The following CACNA2D3 variants were observed in gnomAD, a reference collection of about 807,000 sequenced individuals.
The protein encoded by CACNA2D3 is voltage-dependent calcium channel subunit alpha-2/delta-3.
A neutral mutation model predicts 160.6 loss-of-function variants in CACNA2D3; 60 were observed. The observed-to-expected ratio is 0.37, with a 90% confidence interval of 0.30 to 0.46. The LOEUF (loss-of-function observed/expected upper bound fraction) is 0.46. Among genes scored for constraint, CACNA2D3 ranks in the 20% least tolerant of loss-of-function variants. The probability of loss-of-function intolerance (pLI) is 1.00; values close to 1 mark genes in which losing one functional copy is unlikely to be tolerated. For synonymous variants in CACNA2D3, 558 were observed against 492.9 expected (o/e 1.13, Z -1.75); for missense variants, 1,205 against 1,365.0 (o/e 0.88, Z 1.85).
chr3:54,997,575 A>C (rs1281864208), intron 31 of CACNA2D3, among the ~76,000 whole-genome samples: 11 of 151,822 alleles, frequency 7.2e-5, no homozygotes, highest in East Asian at 1.9e-4. Context: ...AAAAGAAAAA[A>C]ATTAACTAGA....
intron 29 of CACNA2D3, among the ~76,000 whole-genome samples, chr3:54,972,113 C>T: frequency 6.6e-6 from 1 of 152,184 alleles, no homozygotes. Flanking sequence ...GTGACAGTTT[C>T]CCCTGGGCAT....
intron 13 of CACNA2D3, among the ~76,000 whole-genome samples, chr3:54,765,686 G>C (rs561105384): frequency 1.2e-4 from 18 of 152,202 alleles, no homozygotes; most frequent in African/African-American, 4.3e-4. Context: ...CAAATAGCCA[G>C]TTTGTTCAGT....
At chr3:54,500,512 C>CCTTCCTCT (rs779098749) in intron 4 of CACNA2D3, among the ~76,000 whole-genome samples, 2 of 114,404 alleles carry the variant, frequency 1.7e-5, no homozygotes, top group Admixed American at 9.3e-5. Flanking sequence ...TATCTTCCTT[C>CCTTCCTCT]CTTCCTTCCT....
At chr3:54,515,199 T>TGTGTGTGA (rs1553706902) in intron 5 of CACNA2D3, among the ~76,000 whole-genome samples, 4 of 143,598 alleles carry the variant, frequency 2.8e-5, no homozygotes, top group Non-Finnish European at 1.5e-5. Context: ...TGTGTGTGTG[T>TGTGTGTGA]GAGAGAGAGA....
chr3:54,385,146 G>GAACCT, intron 3 of CACNA2D3, among the ~76,000 whole-genome samples: 1 of 152,284 alleles, frequency 6.6e-6, no homozygotes, highest in East Asian at 1.9e-4. Context: ...AAACTTTAGT[G>GAACCT]GCATCAGAAT....
intron 27 of CACNA2D3, among the ~76,000 whole-genome samples, chr3:54,957,535 A>G (rs938835601): frequency 2.0e-5 from 3 of 152,198 alleles, no homozygotes; most frequent in African/African-American, 7.2e-5. Context: ...TAAATAATTT[A>G]CTTGGAAGCC....
chr3:54,785,755 A>T (rs748624187), intron 13 of CACNA2D3, among the ~76,000 whole-genome samples: 2 of 152,208 alleles, frequency 1.3e-5, no homozygotes, highest in Non-Finnish European at 2.9e-5. Flanking sequence ...AGTGGCCCAG[A>T]TCCTTGTTAT....
chr3:55,039,981 C>T (rs1398401071), intron 35 of CACNA2D3, among the ~76,000 whole-genome samples: 3 of 152,002 alleles, frequency 2.0e-5, no homozygotes, highest in East Asian at 1.9e-4. Flanking sequence ...AAAAAAATAC[C>T]GTAGGCTGGA....
At chr3:54,337,202 T>A (rs1704404300) in intron 3 of CACNA2D3, among the ~76,000 whole-genome samples, 1 of 152,202 alleles carries the variant, frequency 6.6e-6, no homozygotes, top group African/African-American at 2.4e-5. Context: ...AAAGATAACA[T>A]TTACAGTGAA....
Position 54,804,417 on chromosome 3 carries a change from C to T in CACNA2D3, c.1381-12436C>T, listed in dbSNP as rs192816192. On this transcript the variant is annotated intron_variant, in intron 13 of 37. Coordinates refer to ENST00000474759, the MANE Select transcript of CACNA2D3 (RefSeq NM_018398.3). ...CAGGGGTTGCAATCCTAGTCTCTGACAAAACAGACTTTAAACCAACAAAGA... is the reference window on the plus strand; with the variant it reads ...CAGGGGTTGCAATCCTAGTCTCTGATAAAACAGACTTTAAACCAACAAAGA... 3.9e-3 allele frequency among the ~76,000 whole-genome samples: 598 copies of T among 152,114 alleles called. 5 individuals carry two copies. The highest frequency in any genetic ancestry group is 0.014 in the Middle Eastern group (4 of 294).
intron 32 of CACNA2D3, among the ~76,000 whole-genome samples, chr3:55,007,127 G>A (rs2107141743): frequency 6.6e-6 from 1 of 152,282 alleles, no homozygotes; most frequent in South Asian, 2.1e-4. Flanking sequence ...AAATATCACA[G>A]AGTAAACAAT....
intron 3 of CACNA2D3, chr3:54,367,592 A>G (rs1355627329): frequency 7.6e-6 from 3 of 392,686 alleles, no homozygotes; most frequent in Admixed American, 2.8e-5. Flanking sequence ...AGTTAAGGCA[A>G]GAGAGAAGCA....
intron 3 of CACNA2D3, among the ~76,000 whole-genome samples, chr3:54,331,740 A>G (rs1308507374): frequency 6.6e-6 from 1 of 152,246 alleles, no homozygotes; most frequent in Middle Eastern, 3.2e-3. Flanking sequence ...GAACTACCAA[A>G]TGAGACTGAG....
At chr3:54,643,837 A>G (rs1400387233) in intron 11 of CACNA2D3, among the ~76,000 whole-genome samples, 1 of 152,214 alleles carries the variant, frequency 6.6e-6, no homozygotes, top group Non-Finnish European at 1.5e-5. Context: ...AGGCTCCAGT[A>G]TAAGTAAACA....
chr3:54,265,230 A>C (rs768873389), intron 2 of CACNA2D3, among the ~76,000 whole-genome samples: 14 of 152,160 alleles, frequency 9.2e-5, no homozygotes, highest in Non-Finnish European at 2.1e-4. Context: ...GTTTCTCCAC[A>C]TCCTCTCCAG....
intron 2 of CACNA2D3, among the ~76,000 whole-genome samples, chr3:54,125,500 G>T (rs940406956): frequency 6.6e-6 from 1 of 152,122 alleles, no homozygotes; most frequent in South Asian, 2.1e-4. Flanking sequence ...AATCTGATGC[G>T]AGGGAAAGGT....
intron 2 of CACNA2D3, among the ~76,000 whole-genome samples, chr3:54,137,866 A>T (rs1699847103): frequency 6.6e-6 from 1 of 152,236 alleles, no homozygotes; most frequent in African/African-American, 2.4e-5. Flanking sequence ...ATGTGTTTTA[A>T]AAACCCGTGC....
intron 2 of CACNA2D3, among the ~76,000 whole-genome samples, chr3:54,282,209 G>T (rs1382643545): frequency 2.0e-5 from 3 of 152,198 alleles, no homozygotes; most frequent in African/African-American, 7.2e-5. Flanking sequence ...AGGTGGGAAT[G>T]GAGAGTTGGT....
At chr3:54,852,007 G>T (rs976504848) in intron 17 of CACNA2D3, among the ~76,000 whole-genome samples, 4 of 152,168 alleles carry the variant, frequency 2.6e-5, no homozygotes, top group African/African-American at 9.7e-5. Flanking sequence ...AGATAAAATG[G>T]ATTATAGGAC....
Sources: allele counts gnomAD v4.1 joint callset (sites outside exome capture counted in the v4.1 genomes callset), GRCh38; gene constraint gnomAD v4.1.1; transcripts MANE v1.5; gene names NCBI Gene and HGNC (gene_info 2026-07-23, HGNC 2026-07-21).